METTL15: variants seen among roughly 807,000 people sequenced by gnomAD.
METTL15 encodes 12S rRNA N(4)-cytidine methyltransferase METTL15.
In METTL15, 34 loss-of-function variants were observed where a neutral mutation model predicts 38.3. The ratio of observed to expected loss-of-function variants is 0.89; its 90% CI spans 0.68 to 1.18. The LOEUF (loss-of-function observed/expected upper bound fraction) is 1.18. METTL15 is among the 50% of genes most tolerant of loss of function. METTL15 has a pLI of 0.00. For missense variants in METTL15, 438 were observed against 498.4 expected, an observed-to-expected ratio of 0.88 and a Z score of 1.15; for synonymous variants, 162 against 170.9, an observed-to-expected ratio of 0.95 and a Z score of 0.41.
chr11:28,453,022 G>T (rs1851136611), intron 6 of METTL15, among the ~76,000 whole-genome samples: 1 of 152,038 alleles, frequency 6.6e-6, no homozygotes, highest in African/African-American at 2.4e-5. Flanking sequence ...TTTCCATCTG[G>T]CCAACCTACT....
intron 3 of METTL15, among the ~76,000 whole-genome samples, chr11:28,144,451 T>A (rs1023705083): frequency 6.6e-6 from 1 of 152,140 alleles, no homozygotes; most frequent in Non-Finnish European, 1.5e-5. Flanking sequence ...ATAGCTTATA[T>A]AGAGAAATAT....
intron 4 of METTL15, among the ~76,000 whole-genome samples, chr11:28,217,482 C>T (rs919192586): frequency 1.3e-5 from 2 of 152,074 alleles, no homozygotes; most frequent in African/African-American, 2.4e-5. Flanking sequence ...GAGTAGGTTG[C>T]AAAAATTTTC....
intron 4 of METTL15, among the ~76,000 whole-genome samples, chr11:28,213,072 G>A (rs546902532): frequency 1.3e-5 from 2 of 152,202 alleles, no homozygotes; most frequent in East Asian, 3.9e-4. Flanking sequence ...CGACTTTATG[G>A]GGACAGACCT....
At position 28,290,238 on chromosome 11, in the gene METTL15, G is replaced by T. The variant is rs1407003290; in HGVS notation, c.440G>T (p.Ser147Ile). The change falls in exon 5 of 7, where the codon AGC becomes ATC. Residue 147 changes from serine (S) to isoleucine (I), a missense_variant. Transcript: ENST00000407364. ...KQIRAMLGQF[S>I]QAEALLMKAG... ...ATCCGAGCTATGCTGGGCCAGTTCA[G>T]CCAGGCAGAAGCCTTATTAATGAAA... The T allele has an allele frequency of 3.1e-6, 5 of 1,612,546 alleles. No homozygotes were observed. The highest frequency in any genetic ancestry group is 4.2e-6 in the Non-Finnish European group (5 of 1,179,240).
intron 6 of METTL15, among the ~76,000 whole-genome samples, chr11:28,435,308 G>T (rs903328619): frequency 2.0e-5 from 3 of 152,128 alleles, no homozygotes; most frequent in Non-Finnish European, 4.4e-5. Flanking sequence ...ACATAGAATG[G>T]CAAAACGAGG....
At chr11:28,409,716 A>G (rs1232009187) in intron 5 of METTL15, among the ~76,000 whole-genome samples, 1 of 152,126 alleles carries the variant, frequency 6.6e-6, no homozygotes, top group Non-Finnish European at 1.5e-5. Flanking sequence ...GTTACACTTC[A>G]TTATAGAGGA....
chr11:28,120,600 G>A (rs552929767), intron 3 of METTL15, among the ~76,000 whole-genome samples: 1 of 151,950 alleles, frequency 6.6e-6, no homozygotes, highest in South Asian at 2.1e-4. Context: ...TGATGTCATG[G>A]AATGTAGATT....
At chr11:28,118,517 T>G (rs1852070636) in intron 3 of METTL15, among the ~76,000 whole-genome samples, 1 of 152,162 alleles carries the variant, frequency 6.6e-6, no homozygotes, top group African/African-American at 2.4e-5. Context: ...GGAGATATTT[T>G]AGTCTGGGCT....
At chr11:28,349,010 G>A (rs1051237601) in intron 3 of METTL15, among the ~76,000 whole-genome samples, 1 of 152,090 alleles carries the variant, frequency 6.6e-6, no homozygotes, top group Non-Finnish European at 1.5e-5. Context: ...TGAGCATTAG[G>A]TGATCATTAC....
chr11:28,386,669 A>C (rs1212007082), intron 5 of METTL15, among the ~76,000 whole-genome samples: 1 of 151,994 alleles, frequency 6.6e-6, no homozygotes, highest in Non-Finnish European at 1.5e-5. Flanking sequence ...CCAGATGCTT[A>C]ATAAGGAAAT....
At chr11:28,359,823 G>A (rs1850120869) in intron 4 of METTL15, among the ~76,000 whole-genome samples, 1 of 152,122 alleles carries the variant, frequency 6.6e-6, no homozygotes, top group Non-Finnish European at 1.5e-5. Context: ...CATTTACACT[G>A]TGATATGAAA....
intron 4 of METTL15, among the ~76,000 whole-genome samples, chr11:28,233,559 A>G (rs1853785595): frequency 6.6e-6 from 1 of 152,044 alleles, no homozygotes. Flanking sequence ...AGTTACTCCA[A>G]GCCTCAGTCA....
intron 6 of METTL15, among the ~76,000 whole-genome samples, chr11:28,320,323 A>C (rs1849422106): frequency 6.6e-6 from 1 of 151,960 alleles, no homozygotes; most frequent in East Asian, 1.9e-4. Flanking sequence ...TGGGCAGCCA[A>C]GGTAGGAGGA....
At chr11:28,445,711 G>A (rs752513913) in intron 6 of METTL15, among the ~76,000 whole-genome samples, 1 of 152,102 alleles carries the variant, frequency 6.6e-6, no homozygotes. Flanking sequence ...GAGTGCAGTG[G>A]CATGATCGCG....
At chr11:28,220,233 A>G (rs1007476628) in intron 4 of METTL15, among the ~76,000 whole-genome samples, 36 of 152,086 alleles carry the variant, frequency 2.4e-4, no homozygotes, top group Non-Finnish European at 5.0e-4. Flanking sequence ...TGCTTTATGA[A>G]TCTGGGTGCT....
chr11:28,414,345 C>T (rs1850753834), intron 5 of METTL15, among the ~76,000 whole-genome samples: 1 of 151,888 alleles, frequency 6.6e-6, no homozygotes, highest in African/African-American at 2.4e-5. Context: ...CTTCTCTTTC[C>T]GAACCTGTTC....
At chr11:28,415,653 A>G (rs985021425) in intron 5 of METTL15, among the ~76,000 whole-genome samples, 9 of 152,210 alleles carry the variant, frequency 5.9e-5, no homozygotes, top group Non-Finnish European at 1.2e-4. Context: ...GAATGGGAAG[A>G]GTCACTCACA....
At chr11:28,439,143 A>T (rs1851012045) in intron 6 of METTL15, among the ~76,000 whole-genome samples, 1 of 152,144 alleles carries the variant, frequency 6.6e-6, no homozygotes, top group Non-Finnish European at 1.5e-5. Flanking sequence ...GTCTTAGATG[A>T]GCATTTTCTC....
At chr11:28,234,339 C>T (rs1248250260) in intron 4 of METTL15, among the ~76,000 whole-genome samples, 2 of 151,420 alleles carry the variant, frequency 1.3e-5, no homozygotes, top group Non-Finnish European at 2.9e-5. Context: ...ATGGCTGGCT[C>T]AAATGGTATT....
Sources: allele counts gnomAD v4.1 joint callset (sites outside exome capture counted in the v4.1 genomes callset), GRCh38; gene constraint gnomAD v4.1.1; transcripts MANE v1.5; gene names NCBI Gene and HGNC (gene_info 2026-07-23, HGNC 2026-07-21).